Variants in DLG2 observed in about 807,000 individuals in gnomAD.
DLG2 encodes the protein disks large homolog 2.
Under a neutral mutation model 132.5 loss-of-function variants are expected in DLG2, and 45 were observed. The observed-to-expected ratio is 0.34, with a 90% CI of 0.27 to 0.44. The LOEUF is 0.44. Among genes scored for constraint, DLG2 ranks in the 20% least tolerant of loss-of-function variants. The probability of loss-of-function intolerance (pLI) is 1.00; values close to 1 mark genes in which losing one functional copy is unlikely to be tolerated. For missense variants in DLG2, 1,045 were observed against 1,196.9 expected, an observed-to-expected ratio of 0.87 and a Z score of 1.87; for synonymous variants, 424 against 419.6, an observed-to-expected ratio of 1.01 and a Z score of -0.13.
At chr11:84,343,985 G>A (rs1446788124) in intron 7 of DLG2, among the ~76,000 whole-genome samples, 2 of 152,078 alleles carry the variant, frequency 1.3e-5, no homozygotes, top group African/African-American at 4.8e-5. Context: ...AGAAAATGAT[G>A]CCACCTGTTG....
chr11:85,553,137 GC>G (rs1694443315), intron 3 of DLG2, among the ~76,000 whole-genome samples: 1 of 151,558 alleles, frequency 6.6e-6, no homozygotes, highest in African/African-American at 2.4e-5. Context: ...TGAGGATATA[GC>G]AGTGAACAAA....
intron 7 of DLG2, among the ~76,000 whole-genome samples, chr11:84,255,704 CT>C (rs1305442287): frequency 1.3e-5 from 2 of 152,080 alleles, no homozygotes; most frequent in Non-Finnish European, 2.9e-5. Context: ...TTCTAGTGTC[CT>C]TCTTTAATAT....
intron 7 of DLG2, among the ~76,000 whole-genome samples, chr11:84,325,599 T>A (rs1346350162): frequency 6.6e-6 from 1 of 152,206 alleles, no homozygotes; most frequent in Non-Finnish European, 1.5e-5. Flanking sequence ...AGAAATAAAT[T>A]CCATTTGGCC....
intron 4 of DLG2, among the ~76,000 whole-genome samples, chr11:85,233,794 CTATG>C (rs2075432945): frequency 6.7e-6 from 1 of 149,350 alleles, no homozygotes; most frequent in African/African-American, 2.5e-5. Context: ...GCTGTTGTGA[CTATG>C]TGTGTGTGAG....
At chr11:83,974,054 T>G (rs958129627) in intron 12 of DLG2, among the ~76,000 whole-genome samples, 1 of 152,048 alleles carries the variant, frequency 6.6e-6, no homozygotes, top group Non-Finnish European at 1.5e-5. Context: ...AAATGAGGTG[T>G]TGTAGGCAAA....
intron 21 of DLG2, among the ~76,000 whole-genome samples, chr11:83,502,889 T>A (rs1292407853): frequency 6.6e-6 from 1 of 152,108 alleles, no homozygotes; most frequent in African/African-American, 2.4e-5. Context: ...AAGTTACTCA[T>A]TTCTCATGAA....
At chr11:84,888,362 G>T (rs1023332677) in intron 6 of DLG2, among the ~76,000 whole-genome samples, 2 of 152,102 alleles carry the variant, frequency 1.3e-5, no homozygotes, top group African/African-American at 4.8e-5. Context: ...CTTGAGCTGG[G>T]CTATCTATCT....
At chr11:85,021,251 G>A in intron 6 of DLG2, 1 of 1,280,332 alleles carries the variant, frequency 7.8e-7, no homozygotes, top group Middle Eastern at 1.9e-4. Context: ...GCAATAGGAG[G>A]AGGAGGAGGA....
chr11:85,073,991 A>T (rs138700780), intron 6 of DLG2, among the ~76,000 whole-genome samples: 1 of 152,010 alleles, frequency 6.6e-6, no homozygotes, highest in Non-Finnish European at 1.5e-5. Flanking sequence ...GAACCAACAC[A>T]GGAACAGAAA....
intron 6 of DLG2, among the ~76,000 whole-genome samples, chr11:84,949,783 T>C (rs2050691392): frequency 1.3e-5 from 2 of 152,272 alleles, no homozygotes; most frequent in South Asian, 4.1e-4. Context: ...TGCTGTACAA[T>C]TTGTGTAGTT....
At chr11:84,365,133 A>G (rs1165549803) in intron 7 of DLG2, among the ~76,000 whole-genome samples, 4 of 152,066 alleles carry the variant, frequency 2.6e-5, no homozygotes, top group South Asian at 2.1e-4. Context: ...CTGTGAATCC[A>G]TCTGGTCCTG....
chr11:84,357,101 T>C (rs996577090), intron 7 of DLG2, among the ~76,000 whole-genome samples: 2 of 151,960 alleles, frequency 1.3e-5, no homozygotes, highest in Non-Finnish European at 2.9e-5. Context: ...AGGAATCAGA[T>C]TTTACCTGAG....
chr11:83,811,288 A>C (rs993637030), intron 17 of DLG2, among the ~76,000 whole-genome samples: 1 of 152,082 alleles, frequency 6.6e-6, no homozygotes, highest in Non-Finnish European at 1.5e-5. Context: ...TAAACCAATA[A>C]ATTCATTTTT....
At chr11:84,474,070 C>A (rs957749209) in intron 7 of DLG2, among the ~76,000 whole-genome samples, 3 of 151,980 alleles carry the variant, frequency 2.0e-5, no homozygotes, top group African/African-American at 7.2e-5. Context: ...TGGGGTATGA[C>A]TCTGAAAACC....
chr11:84,120,589 G>C (rs1454250924), intron 9 of DLG2, among the ~76,000 whole-genome samples: 1 of 152,190 alleles, frequency 6.6e-6, no homozygotes, highest in African/African-American at 2.4e-5. Flanking sequence ...AGTGGGTAAA[G>C]AGACTGGATG....
rs531964756 is a variant in DLG2 at position 84,942,711 on chromosome 11, A to G, written c.357+168950T>C. Among the ~76,000 whole-genome samples the G allele has an allele frequency of 2.0e-5, 3 of 152,254 alleles. No homozygotes were observed. The East Asian group carries it at 5.8e-4, about 29-fold the overall frequency. On this transcript the variant is annotated intron_variant, in intron 6 of 27. Coordinates refer to ENST00000376104, the MANE Select transcript of DLG2 (RefSeq NM_001142699.3). ...CATGTACTCTGCAGCCAATGGGGGA[A>G]CTGTTCTGTAAACGTGTATTAGGTC...
intron 6 of DLG2, among the ~76,000 whole-genome samples, chr11:85,078,760 T>A (rs535987007): frequency 6.6e-6 from 1 of 152,074 alleles, no homozygotes; most frequent in Admixed American, 6.6e-5. Context: ...TAGGTTAAGA[T>A]GAGAACTGAG....
intron 11 of DLG2, among the ~76,000 whole-genome samples, chr11:84,021,126 T>C (rs771496283): frequency 6.6e-6 from 1 of 152,192 alleles, no homozygotes; most frequent in Non-Finnish European, 1.5e-5. Flanking sequence ...GAATATCTAC[T>C]GGGTGCCCAG....
At chr11:85,594,326 C>G (rs1471220016) in intron 3 of DLG2, among the ~76,000 whole-genome samples, 1 of 152,194 alleles carries the variant, frequency 6.6e-6, no homozygotes, top group Non-Finnish European at 1.5e-5. Context: ...GAAATGTACT[C>G]TATTCTAACA....
Sources: allele counts gnomAD v4.1 joint callset (sites outside exome capture counted in the v4.1 genomes callset), GRCh38; gene constraint gnomAD v4.1.1; transcripts MANE v1.5; gene names NCBI Gene and HGNC (gene_info 2026-07-23, HGNC 2026-07-21).